NCKAP5: variants seen among roughly 807,000 people sequenced by gnomAD.
The protein encoded by NCKAP5 is nck-associated protein 5.
A neutral mutation model predicts 167.0 loss-of-function variants in NCKAP5; 92 were observed. The ratio of observed to expected loss-of-function variants is 0.55; its 90% CI spans 0.47 to 0.66. The LOEUF (loss-of-function observed/expected upper bound fraction) is 0.66, where lower values mean the gene tolerates loss of function less well. Among genes scored for constraint, NCKAP5 ranks in the 30% least tolerant of loss-of-function variants. The pLI is 0.00. For missense variants in NCKAP5, 2,378 were observed against 2,315.0 expected, an observed-to-expected ratio of 1.03 and a Z score of -0.56; for synonymous variants, 891 against 877.4, an observed-to-expected ratio of 1.02 and a Z score of -0.27.
At chr2:133,204,472 C>T (rs576072596) in intron 5 of NCKAP5, among the ~76,000 whole-genome samples, 3 of 152,184 alleles carry the variant, frequency 2.0e-5, no homozygotes, top group Admixed American at 2.0e-4. Context: ...ACACACAGAT[C>T]GACTTCATTT....
At chr2:133,501,610 T>G (rs944272564) in intron 3 of NCKAP5, among the ~76,000 whole-genome samples, 1 of 152,248 alleles carries the variant, frequency 6.6e-6, no homozygotes, top group African/African-American at 2.4e-5. Flanking sequence ...TTTAGTCATA[T>G]ACTCAAAATT....
rs113817802 is a variant in NCKAP5 at position 133,413,601 on chromosome 2, T to TA, written c.69+103856dup. On this transcript the variant is annotated intron_variant, in intron 3 of 19. Transcript: ENST00000409261. ...AATCTACAATGATCTCAAAACCAGG[T>TA]AAAAAAAAAAAATTTAATGAGCTAA... Among the ~76,000 whole-genome samples the TA allele has an allele frequency of 1.2e-3, 184 of 147,730 alleles. 1 individual carries two copies. The Middle Eastern group carries it at 0.021, about 17-fold the overall frequency.
chr2:133,293,722 G>A (rs144049321), intron 4 of NCKAP5, among the ~76,000 whole-genome samples: 21 of 152,190 alleles, frequency 1.4e-4, no homozygotes, highest in Middle Eastern at 3.4e-3. Context: ...ACCCAATTTC[G>A]AGAGCCCTGG....
chr2:132,908,222 C>T (rs544255784), intron 8 of NCKAP5, among the ~76,000 whole-genome samples: 5 of 152,146 alleles, frequency 3.3e-5, no homozygotes, highest in Admixed American at 2.0e-4. Flanking sequence ...ATCTAAATTA[C>T]ATCATCTTGA....
intron 5 of NCKAP5, among the ~76,000 whole-genome samples, chr2:133,172,316 C>T (rs1473370203): frequency 6.6e-6 from 1 of 152,202 alleles, no homozygotes; most frequent in South Asian, 2.1e-4. Flanking sequence ...ACACTCCAAA[C>T]AGAGGAGCCC....
intron 11 of NCKAP5, among the ~76,000 whole-genome samples, chr2:132,827,822 G>C (rs1464084531): frequency 2.0e-5 from 3 of 152,254 alleles, no homozygotes; most frequent in African/African-American, 7.2e-5. Context: ...CTCTAAGATA[G>C]ACAGGTTTAA....
chr2:133,532,338 G>C (rs1418524263), intron 2 of NCKAP5, among the ~76,000 whole-genome samples: 1 of 152,310 alleles, frequency 6.6e-6, no homozygotes, highest in East Asian at 1.9e-4. Context: ...ATCAGAGGCA[G>C]AAGATTCTTT....
chr2:133,261,822 G>T (rs544332980), intron 4 of NCKAP5, among the ~76,000 whole-genome samples: 1 of 152,256 alleles, frequency 6.6e-6, no homozygotes, highest in East Asian at 1.9e-4. Context: ...TAATAACCCA[G>T]AGACTTAGGT....
chr2:132,713,257 A>G (rs1234440017), intron 19 of NCKAP5, among the ~76,000 whole-genome samples: 3 of 152,190 alleles, frequency 2.0e-5, no homozygotes, highest in African/African-American at 2.4e-5. Flanking sequence ...TGAAAATGAT[A>G]TCTGAGAAAA....
intron 3 of NCKAP5, among the ~76,000 whole-genome samples, chr2:133,356,365 A>C (rs1684717227): frequency 6.6e-6 from 1 of 152,240 alleles, no homozygotes; most frequent in Non-Finnish European, 1.5e-5. Context: ...CTGTCTGTGC[A>C]GAGATAGTAA....
At chr2:133,670,219 T>G in the NCKAP5 span, among the ~76,000 whole-genome samples, 1 of 152,310 alleles carries the variant, frequency 6.6e-6, no homozygotes, top group Admixed American at 6.5e-5. Flanking sequence ...TTGTGCAGAA[T>G]AAATGGGATA....
At position 133,468,751 on chromosome 2, in the gene NCKAP5, T is replaced by G. The variant is rs543957650; in HGVS notation, c.69+48707A>C. On this transcript the variant is annotated intron_variant, in intron 3 of 19. Transcript: ENST00000409261. ...AGCTGTTCTTGTTGAATTGATCCCT[T>G]TACCATTATGTAATGGCCATCTTTG... Among the ~76,000 whole-genome samples the G allele has an allele frequency of 7.9e-5, 12 of 152,362 alleles. No individual in the cohort carries two copies. The South Asian group carries it at 2.5e-3, about 32-fold the overall frequency.
chr2:133,660,065 C>T, the NCKAP5 span, among the ~76,000 whole-genome samples: 1 of 152,184 alleles, frequency 6.6e-6, no homozygotes, highest in Non-Finnish European at 1.5e-5. Flanking sequence ...TGGACTAACA[C>T]ATGCTTTTGT....
At chr2:132,834,459 C>G (rs1687740615) in intron 11 of NCKAP5, among the ~76,000 whole-genome samples, 2 of 152,198 alleles carry the variant, frequency 1.3e-5, no homozygotes, top group African/African-American at 4.8e-5. Flanking sequence ...ATTCTCCTGC[C>G]TCAGCCTCCC....
At chr2:133,590,926 TGAGA>T in the NCKAP5 span, among the ~76,000 whole-genome samples, 90,248 of 150,872 alleles carry the variant, frequency 0.6, 27,685 homozygotes, top group African/African-American at 0.75. Context: ...CATGTGTGTG[TGAGA>T]GAGAGAGAGA....
At chr2:133,338,317 C>T (rs1375873771) in intron 3 of NCKAP5, among the ~76,000 whole-genome samples, 3 of 152,134 alleles carry the variant, frequency 2.0e-5, no homozygotes, top group Non-Finnish European at 4.4e-5. Context: ...TATAAACATA[C>T]CAATTCTAAA....
intron 5 of NCKAP5, among the ~76,000 whole-genome samples, chr2:133,178,551 C>T (rs1471424814): frequency 2.4e-5 from 3 of 126,310 alleles, no homozygotes; most frequent in African/African-American, 3.3e-5. Context: ...AAAGGCCAGG[C>T]GCATTGGCTC....
At chr2:132,740,212 C>CA (rs1374742509) in intron 16 of NCKAP5, among the ~76,000 whole-genome samples, 2 of 152,144 alleles carry the variant, frequency 1.3e-5, no homozygotes, top group African/African-American at 4.8e-5. Flanking sequence ...AATGAGGCCC[C>CA]AACATAATTC....
At chr2:133,164,642 A>T (rs4954033) in intron 5 of NCKAP5, among the ~76,000 whole-genome samples, 21,496 of 152,072 alleles carry the variant, frequency 0.14, 1,694 homozygotes, top group East Asian at 0.39. Context: ...ATCAAGTCCA[A>T]GTTCTTGCCA....
Sources: allele counts gnomAD v4.1 joint callset (sites outside exome capture counted in the v4.1 genomes callset), GRCh38; gene constraint gnomAD v4.1.1; transcripts MANE v1.5; gene names NCBI Gene and HGNC (gene_info 2026-07-23, HGNC 2026-07-21).